Variants in SFI1 observed in about 807,000 individuals in gnomAD.
The protein encoded by SFI1 is SFI1 centrin binding protein.
Under a neutral mutation model 207.5 loss-of-function variants are expected in SFI1, and 195 were observed. The observed-to-expected ratio is 0.94, with a 90% confidence interval of 0.84 to 1.06. The LOEUF is 1.06. Among genes scored for constraint, SFI1 ranks in the 50% least tolerant of loss-of-function variants. The pLI is 0.00. For missense variants in SFI1, 1,634 were observed against 1,588.0 expected, an observed-to-expected ratio of 1.03 and a Z score of -0.49; for synonymous variants, 630 against 598.9, an observed-to-expected ratio of 1.05 and a Z score of -0.76.
rs72524799 is a variant in SFI1 at position 31,533,834 on chromosome 22, TTCTC to T, written c.338+2709_338+2712del. Among the ~76,000 whole-genome samples, 42 of 151,904 alleles carry T rather than the reference TTCTC, an allele frequency of 2.8e-4. No individual in the cohort carries two copies. In the East Asian group the frequency reaches 6.6e-3, roughly 24 times the overall value. ...TTGATCTAAATTGCTATTGTCAGAA[TTCTC>T]TCTTTTTTGTTTAATTTATTGCATA... is the stretch of plus-strand genomic sequence containing the variant. On this transcript the variant is annotated intron_variant, in intron 4 of 32. Transcript: ENST00000400288.
At chr22:31,615,313 GCT>G in intron 29 of SFI1, 34 bp downstream of exon 29, 5 of 1,439,076 alleles carry the variant, frequency 3.5e-6, no homozygotes, top group Non-Finnish European at 4.6e-6. Flanking sequence ...GGGCACTGGG[GCT>G]CTCACTCTGG....
chr22:31,607,924 T>C lies in SFI1; in HGVS notation c.2158-13T>C, dbSNP rs749539486. 8.7e-6 allele frequency: 14 copies of C among 1,612,850 alleles called. No individual in the cohort carries two copies. The East Asian group carries it at 3.1e-4, about 36-fold the overall frequency. ...GTATAGTGACTCTTGCTGTGCTCCTTGCCTGCCCATAGGTCCTGGTCCAGT... is the reference window on the plus strand; with the variant it reads ...GTATAGTGACTCTTGCTGTGCTCCTCGCCTGCCCATAGGTCCTGGTCCAGT... On this transcript the variant is annotated splice_polypyrimidine_tract_variant and intron_variant, in intron 21 of 32. Coordinates refer to ENST00000400288, the MANE Select transcript of SFI1 (RefSeq NM_001007467.3).
At position 31,562,983 on chromosome 22, in the gene SFI1, T is replaced by TTATATATATATATATATATATA. The variant is rs56072629; in HGVS notation, c.765+1610_765+1611insATATATATATATATATATATAT. Among the ~76,000 whole-genome samples the TTATATATATATATATATATATA allele has an allele frequency of 3.0e-3, 429 of 142,300 alleles. 1 individual carries two copies. The highest frequency in any genetic ancestry group is 4.1e-3 in the East Asian group (20 of 4,906). The allele number at this position is 142,300 out of a possible 152,430, so 93.4% of individuals were successfully genotyped here. Reference sequence around the variant, plus strand: ...AGCCAGAAAGCTGCATCATCATCTTTTATATATATATATATATATGTTTTG... The same window carrying TTATATATATATATATATATATA: ...AGCCAGAAAGCTGCATCATCATCTTTTATATATATATATATATATATATATATATATATATATATATGTTTTG... On this transcript the variant is annotated intron_variant, in intron 8 of 32. Coordinates refer to ENST00000400288, the MANE Select transcript of SFI1 (RefSeq NM_001007467.3).
chr22:31,590,942 C>G (rs1459755219), intron 15 of SFI1, among the ~76,000 whole-genome samples: 1 of 147,312 alleles, frequency 6.8e-6, no homozygotes, highest in African/African-American at 2.5e-5. Context: ...TATATTCCAA[C>G]TTTTTTCTTT....
chr22:31,593,126 G>T (rs1461768644), intron 15 of SFI1, among the ~76,000 whole-genome samples: 1 of 140,804 alleles, frequency 7.1e-6, no homozygotes, highest in African/African-American at 2.7e-5. Flanking sequence ...CTGGCCGGGC[G>T]GGGGGCTGAC....
At chr22:31,531,201 A>T (rs1171896600) in intron 4 of SFI1, 72 bp downstream of exon 4, 38 of 1,244,866 alleles carry the variant, frequency 3.1e-5, no homozygotes, top group Non-Finnish European at 4.4e-5. Flanking sequence ...AAGCCTGTAT[A>T]TAAACTTCAT....
At chr22:31,554,608 T>A (rs1366451900) in intron 6 of SFI1, among the ~76,000 whole-genome samples, 1 of 56 alleles carries the variant, frequency 0.018, no homozygotes, top group Non-Finnish European at 0.062. Context: ...GCGCCCAGCC[T>A]TTTTTTTTTT....
chr22:31,503,065 A>AAG (rs1185091664), intron 1 of SFI1, among the ~76,000 whole-genome samples: 1 of 151,648 alleles, frequency 6.6e-6, no homozygotes, highest in East Asian at 1.9e-4. Flanking sequence ...AAAAAAAAAA[A>AAG]AAAAAAAAGG....
chr22:31,536,350 C>T (rs1044779451), intron 4 of SFI1, among the ~76,000 whole-genome samples: 3 of 152,170 alleles, frequency 2.0e-5, no homozygotes, highest in African/African-American at 7.2e-5. Context: ...AGATGCTACT[C>T]GGGGATCCAA....
At chr22:31,503,483 C>A (rs1294523351) in intron 1 of SFI1, among the ~76,000 whole-genome samples, 1 of 151,924 alleles carries the variant, frequency 6.6e-6, no homozygotes, top group East Asian at 1.9e-4. Flanking sequence ...TCTCTTTAAC[C>A]TTATGGTTCG....
chr22:31,604,219 C>T (rs1236546187), intron 18 of SFI1, 90 bp from the exon 19 acceptor site: 3 of 972,262 alleles, frequency 3.1e-6, no homozygotes, highest in East Asian at 2.6e-5. Flanking sequence ...TTTACACTCA[C>T]ACAGATGATG....
chr22:31,590,981 T>TGA (rs1220708898), intron 15 of SFI1, among the ~76,000 whole-genome samples: 22 of 116,352 alleles, frequency 1.9e-4, no homozygotes, highest in African/African-American at 6.4e-4. Context: ...ATTTATTTAT[T>TGA]TTTTTATTGA....
At chr22:31,556,530 A>G (rs981932051) in intron 6 of SFI1, among the ~76,000 whole-genome samples, 4 of 152,202 alleles carry the variant, frequency 2.6e-5, no homozygotes, top group Non-Finnish European at 5.9e-5. Flanking sequence ...ACTGAAAGAT[A>G]TTTAATAGAA....
intron 7 of SFI1, among the ~76,000 whole-genome samples, chr22:31,558,218 A>G (rs187709897): frequency 6.6e-5 from 10 of 152,314 alleles, no homozygotes. Flanking sequence ...GTGGACATAA[A>G]GAAGTTATTT....
intron 4 of SFI1, among the ~76,000 whole-genome samples, chr22:31,531,720 C>G (rs2058545593): frequency 6.6e-6 from 1 of 152,074 alleles, no homozygotes; most frequent in South Asian, 2.1e-4. Flanking sequence ...ATGGAGAAAC[C>G]CCGTCTCTAC....
At chr22:31,616,532 T>G (rs2071498076) in intron 29 of SFI1, 1 of 465,364 alleles carries the variant, frequency 2.1e-6, no homozygotes, top group East Asian at 3.4e-5. Flanking sequence ...CCTGGTTGCT[T>G]GCGGGACTTT....
intron 1 of SFI1, among the ~76,000 whole-genome samples, chr22:31,500,277 C>CA (rs150915256): frequency 6.6e-4 from 65 of 98,388 alleles, no homozygotes; most frequent in African/African-American, 1.6e-3. Context: ...GACTCTGTCT[C>CA]AAAAAAAAAA....
chr22:31,504,100 T>C (rs953683968), intron 1 of SFI1, among the ~76,000 whole-genome samples: 1 of 152,116 alleles, frequency 6.6e-6, no homozygotes, highest in South Asian at 2.1e-4. Flanking sequence ...ATTTATATTT[T>C]AGTGGGGAAG....
chr22:31,617,201 C>T (rs764600170), intron 31 of SFI1, 123 bp downstream of exon 31: 1 of 998,826 alleles, frequency 1.0e-6, no homozygotes, highest in Non-Finnish European at 1.5e-6. Context: ...CTCGGTCTAG[C>T]CATGGAGGGG....
Sources: gnomAD v4.1 joint callset for allele counts (sites outside exome capture counted in the v4.1 genomes callset) on GRCh38, gnomAD v4.1.1 for gene constraint, MANE v1.5 for transcripts, NCBI Gene and HGNC (gene_info 2026-07-23, HGNC 2026-07-21) for gene names.